The following TRIQK variants were observed in gnomAD, a reference collection of about 807,000 sequenced individuals.
TRIQK encodes the protein triple QxxK/R motif containing, also known as triple QxxK/R motif-containing protein.
In TRIQK, 10 loss-of-function variants were observed where a neutral mutation model predicts 10.8. That is an observed-to-expected ratio of 0.92 (90% CI 0.57 to 1.57). The LOEUF is 1.57. TRIQK is among the 40% of genes most tolerant of loss of function. The pLI, the probability that TRIQK is intolerant of heterozygous loss-of-function variation, is 0.00. For synonymous variants in TRIQK, 33 were observed against 33.7 expected, an observed-to-expected ratio of 0.98 and a Z score of 0.07; for missense variants, 107 against 97.7, an observed-to-expected ratio of 1.09 and a Z score of -0.40.
chr8:92,981,170 T>C (rs1034279463), intron 1 of TRIQK, among the ~76,000 whole-genome samples: 6 of 151,852 alleles, frequency 4.0e-5, no homozygotes, highest in Non-Finnish European at 8.8e-5. Flanking sequence ...AGCAGAGCTA[T>C]TTTTTGTGAT....
intron 1 of TRIQK, among the ~76,000 whole-genome samples, chr8:93,016,832 A>G (rs1199694186): frequency 6.6e-6 from 1 of 152,184 alleles, no homozygotes; most frequent in Admixed American, 6.5e-5. Flanking sequence ...GGTGGGGTAC[A>G]GCTAAAGCAA....
chr8:92,891,738 G>C (rs1488635687), intron 4 of TRIQK, among the ~76,000 whole-genome samples: 1 of 151,882 alleles, frequency 6.6e-6, no homozygotes, highest in Non-Finnish European at 1.5e-5. Context: ...AGTAGCTAGA[G>C]AGAAAATAAA....
At chr8:92,910,658 A>C (rs888836967) in intron 3 of TRIQK, among the ~76,000 whole-genome samples, 28 of 151,092 alleles carry the variant, frequency 1.9e-4, no homozygotes, top group African/African-American at 6.8e-4. Flanking sequence ...ACTTAACAAA[A>C]TAACAAAAAG....
intron 3 of TRIQK, among the ~76,000 whole-genome samples, chr8:92,895,745 G>T (rs1808559284): frequency 6.6e-6 from 1 of 152,132 alleles, no homozygotes; most frequent in Non-Finnish European, 1.5e-5. Context: ...ACAAGCAATG[G>T]ACTAAAGTAT....
chr8:92,893,531 G>A (rs961459291), intron 3 of TRIQK, among the ~76,000 whole-genome samples: 1 of 151,712 alleles, frequency 6.6e-6, no homozygotes, highest in Non-Finnish European at 1.5e-5. Context: ...TTAAATAATG[G>A]AATGAACAAA....
At chr8:92,988,031 G>C (rs926751346) in intron 1 of TRIQK, among the ~76,000 whole-genome samples, 6 of 130,096 alleles carry the variant, frequency 4.6e-5, no homozygotes, top group South Asian at 2.5e-4. Flanking sequence ...TTTTGAGACG[G>C]AGTCTTGCTC....
At chr8:92,908,436 T>C (rs1435599709) in intron 3 of TRIQK, among the ~76,000 whole-genome samples, 2 of 152,148 alleles carry the variant, frequency 1.3e-5, no homozygotes, top group East Asian at 1.9e-4. Flanking sequence ...TCCTAAACTG[T>C]TATTCTTTCA....
intron 1 of TRIQK, among the ~76,000 whole-genome samples, chr8:92,963,085 C>T (rs1812541892): frequency 6.6e-6 from 1 of 152,168 alleles, no homozygotes; most frequent in African/African-American, 2.4e-5. Flanking sequence ...GTAATGCTCT[C>T]TCTAAGCCAT....
intron 3 of TRIQK, among the ~76,000 whole-genome samples, chr8:92,911,653 T>C (rs1418996441): frequency 1.3e-5 from 2 of 151,212 alleles, no homozygotes; most frequent in Non-Finnish European, 3.0e-5. Flanking sequence ...AAGTAGAATT[T>C]AAACCAAAAA....
At chr8:92,954,038 A>C in intron 2 of TRIQK, 1 of 151,948 alleles carries the variant, frequency 6.6e-6, no homozygotes, top group East Asian at 1.9e-4. Context: ...ACCAATACAT[A>C]ATTATCAAAA....
intron 3 of TRIQK, among the ~76,000 whole-genome samples, chr8:92,893,353 C>CA (rs1351155544): frequency 6.6e-6 from 1 of 151,920 alleles, no homozygotes; most frequent in Non-Finnish European, 1.5e-5. Context: ...GGCTGGAAAG[C>CA]AAGGTATTTT....
intron 1 of TRIQK, among the ~76,000 whole-genome samples, chr8:93,002,466 A>G (rs1305446774): frequency 1.3e-5 from 2 of 152,186 alleles, no homozygotes; most frequent in African/African-American, 4.8e-5. Context: ...GTAAGAGTCT[A>G]TTATGAACAA....
At chr8:93,015,367 A>AT (rs1181258623) in intron 1 of TRIQK, among the ~76,000 whole-genome samples, 3 of 151,482 alleles carry the variant, frequency 2.0e-5, no homozygotes, top group Non-Finnish European at 4.4e-5. Context: ...AGCATGTTTT[A>AT]TTTTTTTAAA....
At chr8:92,994,558 T>G (rs1311654668) in intron 1 of TRIQK, among the ~76,000 whole-genome samples, 1 of 152,188 alleles carries the variant, frequency 6.6e-6, no homozygotes, top group Non-Finnish European at 1.5e-5. Context: ...TATGTATGCT[T>G]ACCACTTAAT....
intron 1 of TRIQK, among the ~76,000 whole-genome samples, chr8:92,962,857 C>G (rs1171779024): frequency 6.6e-6 from 1 of 152,190 alleles, no homozygotes; most frequent in Non-Finnish European, 1.5e-5. Flanking sequence ...TTTCTCTCAG[C>G]TGAACTAAAG....
At chr8:93,006,255 G>A (rs966489777) in intron 1 of TRIQK, among the ~76,000 whole-genome samples, 4 of 152,006 alleles carry the variant, frequency 2.6e-5, no homozygotes, top group African/African-American at 7.2e-5. Context: ...CCAGCAACTC[G>A]GTATCCAAGT....
chr8:92,936,241 A>G (rs1452121870), intron 2 of TRIQK, among the ~76,000 whole-genome samples: 1 of 151,658 alleles, frequency 6.6e-6, no homozygotes, highest in African/African-American at 2.4e-5. Flanking sequence ...AGACAACCAA[A>G]TCCAGTATGT....
chr8:92,903,741 C>T (rs1000904734), intron 3 of TRIQK, among the ~76,000 whole-genome samples: 1 of 151,934 alleles, frequency 6.6e-6, no homozygotes, highest in Admixed American at 6.6e-5. Flanking sequence ...AAATTTTTCT[C>T]AATAGTATGT....
intron 1 of TRIQK, chr8:93,017,527 G>C (rs942616933): frequency 3.3e-5 from 5 of 152,244 alleles, no homozygotes; most frequent in African/African-American, 1.2e-4. Context: ...CTGGGGAACA[G>C]TACCATGATT....
Sources: allele counts gnomAD v4.1 joint callset (sites outside exome capture counted in the v4.1 genomes callset), GRCh38; gene constraint gnomAD v4.1.1; transcripts MANE v1.5; gene names NCBI Gene and HGNC (gene_info 2026-07-23, HGNC 2026-07-21).